The following CLUL1 variants were observed in gnomAD, a reference collection of about 807,000 sequenced individuals.
CLUL1 encodes the protein clusterin like 1, also known as clusterin-like protein 1.
CLUL1 carries 43 observed loss-of-function variants against 49.4 expected under a neutral mutation model. The observed-to-expected ratio is 0.87, with a 90% CI of 0.68 to 1.12. The LOEUF (loss-of-function observed/expected upper bound fraction) is 1.12. Among genes scored for constraint, CLUL1 ranks in the 50% most tolerant of loss-of-function variants. The pLI, the probability that CLUL1 is intolerant of heterozygous loss-of-function variation, is 0.00. For missense variants in CLUL1, 486 were observed against 544.4 expected, an observed-to-expected ratio of 0.89 and a Z score of 1.07; for synonymous variants, 192 against 184.9, an observed-to-expected ratio of 1.04 and a Z score of -0.31.
At chr18:608,146 C>T (rs1193035196) in intron 2 of CLUL1, among the ~76,000 whole-genome samples, 2 of 152,132 alleles carry the variant, frequency 1.3e-5, no homozygotes, top group Non-Finnish European at 2.9e-5. Context: ...GCTCTCACTT[C>T]CCTGTCTTGC....
In CLUL1 at chr18:624,900, T is replaced by C; in HGVS notation, c.291T>C (p.His97=). The part of the protein sequence containing the change: ...ALKLLNEVQE[H]LEEEERLCRE... ...AACTTCTGAATGAAGTTCAAGAACATCTGGAGGAAGAAGAAAGGCTATGCC... is the reference window on the plus strand; with the variant it reads ...AACTTCTGAATGAAGTTCAAGAACACCTGGAGGAAGAAGAAAGGCTATGCC... The change falls in exon 5 of 10, where the codon CAT becomes CAC. Residue 97 remains histidine, a synonymous_variant. Transcript: ENST00000692774. 1 of 1,614,136 alleles carries C rather than the reference T, an allele frequency of 6.2e-7. No individual in the cohort carries two copies. Among genetic ancestry groups the C allele is most frequent in the African/African-American group, 1.3e-5 (1 of 75,056 alleles).
intron 9 of CLUL1, among the ~76,000 whole-genome samples, chr18:645,438 GAATA>G (rs2074445074): frequency 6.6e-6 from 1 of 151,998 alleles, no homozygotes; most frequent in Non-Finnish European, 1.5e-5. Context: ...CAATCCTAAG[GAATA>G]AATCTAAATT....
chr18:635,445 T>C (rs2074109381), intron 7 of CLUL1, among the ~76,000 whole-genome samples: 1 of 152,168 alleles, frequency 6.6e-6, no homozygotes, highest in South Asian at 2.1e-4. Flanking sequence ...CCTAAGAGGC[T>C]ACAGGCTGAT....
chr18:603,458 C>G (rs2072885042), intron 1 of CLUL1, among the ~76,000 whole-genome samples: 1 of 151,160 alleles, frequency 6.6e-6, no homozygotes, highest in Non-Finnish European at 1.5e-5. Flanking sequence ...TTCCTAAATA[C>G]TTAAAAAAAT....
intron 4 of CLUL1, among the ~76,000 whole-genome samples, chr18:623,034 CTT>C (rs112757495): frequency 2.1e-5 from 3 of 143,560 alleles, no homozygotes; most frequent in African/African-American, 2.6e-5. Context: ...GGAGAAACAA[CTT>C]TTTTTTTTTT....
At position 599,263 on chromosome 18, in the gene CLUL1, G is replaced by GGTTA. The variant is rs757067558; in HGVS notation, c.-136+2136_-136+2139dup. On this transcript the variant is annotated intron_variant, in intron 1 of 9. Coordinates refer to ENST00000692774, the MANE Select transcript of CLUL1 (RefSeq NM_001393344.1). ...ATGTTGTGGAAAGAACAGAGACCTGGGTTAGATAAAATTCCGGTTGTCTAC... is the reference window on the plus strand; with the variant it reads ...ATGTTGTGGAAAGAACAGAGACCTGGGTTAGTTAGATAAAATTCCGGTTGTCTAC... Among the ~76,000 whole-genome samples, 13 of 152,222 alleles carry GGTTA rather than the reference G, an allele frequency of 8.5e-5. No homozygotes were observed. In the East Asian group the frequency reaches 1.2e-3, roughly 14 times the overall value.
chr18:622,801 C>T (rs1314171921), intron 4 of CLUL1, among the ~76,000 whole-genome samples: 2 of 152,142 alleles, frequency 1.3e-5, no homozygotes, highest in Admixed American at 1.3e-4. Flanking sequence ...TTGTTTAGCT[C>T]ATTTAATGCA....
rs138176713 is a variant in CLUL1 at position 600,281 on chromosome 18, A to G, written c.-136+3152A>G. 5.5e-3 allele frequency among the ~76,000 whole-genome samples: 838 copies of G among 152,332 alleles called. 8 individuals carry two copies. The highest frequency in any genetic ancestry group is 0.019 in the African/African-American group (801 of 41,570). ...CTGGACAGACATGAAGGACACATAA[A>G]TCAGTCTCTGTATGATGTTTCTCAC... is the stretch of plus-strand genomic sequence containing the variant. On this transcript the variant is annotated intron_variant, in intron 1 of 9. Transcript: ENST00000692774.
intron 8 of CLUL1, 90 bp from the exon 9 acceptor site, chr18:644,820 C>G (rs961420942): frequency 1.0e-6 from 1 of 962,896 alleles, no homozygotes; most frequent in Non-Finnish European, 1.5e-6. Flanking sequence ...TCAGCACAAC[C>G]CAGCCTATCC....
At chr18:611,323 A>G (rs527383) in intron 2 of CLUL1, among the ~76,000 whole-genome samples, 74,520 of 150,006 alleles carry the variant, frequency 0.5, 18,850 homozygotes, top group East Asian at 0.68. Context: ...TTTCTGTGGC[A>G]GATTGGGATG....
intron 2 of CLUL1, among the ~76,000 whole-genome samples, chr18:608,679 C>T (rs1300248767): frequency 6.6e-6 from 1 of 152,124 alleles, no homozygotes; most frequent in Middle Eastern, 3.2e-3. Flanking sequence ...GATCTCACTA[C>T]TACACTCCAG....
At chr18:639,649 C>T (rs1289825515) in intron 7 of CLUL1, among the ~76,000 whole-genome samples, 2 of 151,682 alleles carry the variant, frequency 1.3e-5, no homozygotes, top group East Asian at 3.9e-4. Flanking sequence ...CCTGTAGTCC[C>T]AGCTACTCGG....
intron 9 of CLUL1, among the ~76,000 whole-genome samples, chr18:645,802 A>T (rs1567979586): frequency 2.0e-5 from 1 of 50,204 alleles, no homozygotes; most frequent in African/African-American, 8.3e-5. Context: ...TAAAAAAAAA[A>T]AAAAAAAAAT....
chr18:601,761 A>T (rs1377560198), intron 1 of CLUL1, among the ~76,000 whole-genome samples: 1 of 152,188 alleles, frequency 6.6e-6, no homozygotes, highest in African/African-American at 2.4e-5. Flanking sequence ...GTGGGACGAG[A>T]TCGTGCCACT....
intron 2 of CLUL1, among the ~76,000 whole-genome samples, chr18:617,110 A>G (rs3016826): frequency 0.93 from 141,428 of 152,248 alleles, 66,152 homozygotes; most frequent in East Asian, 1. Context: ...TAGAATATTT[A>G]TAACTAATGT....
intron 6 of CLUL1, among the ~76,000 whole-genome samples, chr18:630,121 T>A (rs2073948003): frequency 1.3e-5 from 2 of 152,174 alleles, no homozygotes; most frequent in African/African-American, 4.8e-5. Context: ...TATTTATTTA[T>A]TTTTTGAGAC....
intron 2 of CLUL1, among the ~76,000 whole-genome samples, chr18:615,957 A>G (rs1248594866): frequency 1.3e-5 from 2 of 152,206 alleles, no homozygotes; most frequent in Admixed American, 6.5e-5. Flanking sequence ...CAGGTGGCCC[A>G]GTTCAGAATT....
chr18:604,757 A>G (rs1478621707), intron 1 of CLUL1, among the ~76,000 whole-genome samples: 1 of 152,212 alleles, frequency 6.6e-6, no homozygotes, highest in Non-Finnish European at 1.5e-5. Flanking sequence ...AGTGGCATAG[A>G]ATTTATTAAG....
intron 6 of CLUL1, among the ~76,000 whole-genome samples, chr18:629,216 G>T (rs1262532894): frequency 6.6e-6 from 1 of 152,082 alleles, no homozygotes. Context: ...CAATTATTTG[G>T]TCTGGTAGTC....
Sources: gnomAD v4.1 joint callset for allele counts (sites outside exome capture counted in the v4.1 genomes callset) on GRCh38, gnomAD v4.1.1 for gene constraint, MANE v1.5 for transcripts, NCBI Gene and HGNC (gene_info 2026-07-23, HGNC 2026-07-21) for gene names.